JAKMIP1: variants seen among roughly 807,000 people sequenced by gnomAD.
JAKMIP1 encodes janus kinase and microtubule interacting protein 1.
In JAKMIP1, 33 loss-of-function variants were observed where a neutral mutation model predicts 113.0. The ratio of observed to expected loss-of-function variants is 0.29; its 90% CI spans 0.22 to 0.39. The LOEUF is 0.39. Among genes scored for constraint, JAKMIP1 ranks in the 10% least tolerant of loss-of-function variants. JAKMIP1 has a pLI of 1.00. For missense variants in JAKMIP1, 813 were observed against 1,080.5 expected (o/e 0.75, Z 3.47); for synonymous variants, 480 against 459.9 (o/e 1.04, Z -0.56).
chr4:6,130,670 C>T (rs1718367193), intron 1 of JAKMIP1, among the ~76,000 whole-genome samples: 1 of 151,882 alleles, frequency 6.6e-6, no homozygotes, highest in Non-Finnish European at 1.5e-5. Flanking sequence ...GCAATGTAAG[C>T]AGAGATGAAA....
rs117679377 is a variant in JAKMIP1, at chr4:6,135,401, T to C, written c.-147-22404A>G. ...GAGAGGCTTCGGAAGAAACCAACCC[T>C]GGTGGCAGCTTGATCTCGGACTTCC... On this transcript the variant is annotated intron_variant, in intron 1 of 20. Coordinates refer to ENST00000409021, the MANE Select transcript of JAKMIP1 (RefSeq NM_001099433.2). This position sits in a 1 kb window ranked among gnomAD's most constrained non-coding sequence, Gnocchi z 4.9. Among the ~76,000 whole-genome samples the C allele has an allele frequency of 6.6e-6, 1 of 152,134 alleles. No individual in the cohort carries two copies. Among genetic ancestry groups the C allele is most frequent in the Admixed American group, 6.5e-5 (1 of 15,286 alleles).
intron 1 of JAKMIP1, among the ~76,000 whole-genome samples, chr4:6,118,141 C>T (rs1352603746): frequency 1.3e-5 from 2 of 152,206 alleles, no homozygotes; most frequent in African/African-American, 4.8e-5. Flanking sequence ...TGTTTAGAGA[C>T]TGCAGTAAAG....
At chr4:6,195,399 T>C (rs1727735603) in intron 1 of JAKMIP1, among the ~76,000 whole-genome samples, 1 of 152,164 alleles carries the variant, frequency 6.6e-6, no homozygotes, top group Non-Finnish European at 1.5e-5. Flanking sequence ...GTTAATATAT[T>C]AACCATGATT....
chr4:6,049,031 AT>A lies in JAKMIP1; in HGVS notation c.1963-110del, dbSNP rs1201464614. The A allele has an allele frequency of 1.2e-6, 1 of 833,260 alleles. No homozygotes were observed. The highest frequency in any genetic ancestry group is 2.5e-5 in the East Asian group (1 of 39,302). The allele number at this position is 833,260 out of a possible 1,614,324, so 51.6% of individuals were successfully genotyped here. A position where few individuals can be genotyped will look rare whatever the true frequency, so the allele number is the denominator to read the frequency against. ...TTTCGTTGTTGTTGTTTGTTTTATTATGTTTGTTTGTTTTGAGACGGAGTCT... is the reference window on the plus strand; with the variant it reads ...TTTCGTTGTTGTTGTTTGTTTTATTAGTTTGTTTGTTTTGAGACGGAGTCT... On this transcript the variant is annotated intron_variant, in intron 15 of 20. Transcript: ENST00000409021. The surrounding 1 kb of genome is among the most constrained non-coding windows in gnomAD (Gnocchi z 7.0).
chr4:6,035,766 G>C, intron 19 of JAKMIP1, 138 bp downstream of exon 19: 2 of 723,336 alleles, frequency 2.8e-6, no homozygotes, highest in South Asian at 1.9e-5. Context: ...ATGAAATCTT[G>C]CTTCTTGGAA....
At chr4:6,032,811 C>A (rs987005892) in intron 19 of JAKMIP1, among the ~76,000 whole-genome samples, 1 of 152,292 alleles carries the variant, frequency 6.6e-6, no homozygotes, top group South Asian at 2.1e-4. Flanking sequence ...GACTAAGCAA[C>A]CCAGACTTTG....
chr4:6,105,893 G>A lies in JAKMIP1; in HGVS notation c.204C>T (p.Tyr68=), dbSNP rs1301922498. 1 of 1,611,848 alleles carries A rather than the reference G, an allele frequency of 6.2e-7. No homozygotes were observed. Among genetic ancestry groups the A allele is most frequent in the Non-Finnish European group, 8.5e-7 (1 of 1,179,796 alleles). The change falls in exon 3 of 21, where the codon TAC becomes TAT. Residue 68 remains tyrosine, a synonymous_variant. Transcript: ENST00000409021. ...REQEQRRHTA[Y]ISELKAKLHE... is the part of the protein sequence containing the mutation. ...GCAGCTTGGCCTTGAGCTCCGAAAT[G>A]TAGGCCGTGTGCCGTCGCTGCTCCT...
chr4:6,042,023 A>G lies in JAKMIP1; in HGVS notation c.2097+136T>C. ...AGTAAATGGGTGACAATTACTTAGA[A>G]CAACCACTGGGGCAAAAGCAAAATT... On this transcript the variant is annotated intron_variant, in intron 17 of 20. Coordinates refer to ENST00000409021, the MANE Select transcript of JAKMIP1 (RefSeq NM_001099433.2). This position sits in a 1 kb window ranked among gnomAD's most constrained non-coding sequence, Gnocchi z 5.2. 1.5e-6 allele frequency: 1 copy of G among 673,712 alleles called. No homozygotes were observed. Among genetic ancestry groups the G allele is most frequent in the Non-Finnish European group, 2.6e-6 (1 of 381,004 alleles). 41.7% of individuals were successfully genotyped at this position (673,712 alleles called of 1,614,324 possible).
intron 1 of JAKMIP1, among the ~76,000 whole-genome samples, chr4:6,198,343 A>G (rs7377975): frequency 0.76 from 114,588 of 151,444 alleles, 43,508 homozygotes; most frequent in Non-Finnish European, 0.79. Context: ...ATGTGGGGGA[A>G]AAACCCAAGT....
At position 6,143,278 on chromosome 4, in the gene JAKMIP1, T is replaced by C. The variant is rs1434592780; in HGVS notation, c.-147-30281A>G. Reference sequence around the variant, plus strand: ...TTTCCTTTGGATACATTCTAAAAGCTTTATGAACAGACTTGGGGGCTTCCT... The same window carrying C: ...TTTCCTTTGGATACATTCTAAAAGCCTTATGAACAGACTTGGGGGCTTCCT... On this transcript the variant is annotated intron_variant, in intron 1 of 20. Coordinates refer to ENST00000409021, the MANE Select transcript of JAKMIP1 (RefSeq NM_001099433.2). The surrounding 1 kb of genome is among the most constrained non-coding windows in gnomAD (Gnocchi z 4.9). Among the ~76,000 whole-genome samples, 1 of 152,232 alleles carries C rather than the reference T, an allele frequency of 6.6e-6. No individual in the cohort carries two copies. Among genetic ancestry groups the C allele is most frequent in the Non-Finnish European group, 1.5e-5 (1 of 68,040 alleles).
In JAKMIP1 at chr4:6,031,609, G is replaced by A. The variant is rs985927389; in HGVS notation, c.2380-1828C>T. Among the ~76,000 whole-genome samples the A allele has an allele frequency of 6.6e-6, 1 of 152,170 alleles. No individual in the cohort carries two copies. The highest frequency in any genetic ancestry group is 2.4e-5 in the African/African-American group (1 of 41,452). On this transcript the variant is annotated intron_variant, in intron 19 of 20. Coordinates refer to ENST00000409021, the MANE Select transcript of JAKMIP1 (RefSeq NM_001099433.2). The surrounding 1 kb of genome is among the most constrained non-coding windows in gnomAD (Gnocchi z 4.4). ...GGACAGAGCTCAGAGGGTCTGGAAT[G>A]GCCCATGTCCCGATGAGGTGCTCAC...
intron 3 of JAKMIP1, among the ~76,000 whole-genome samples, chr4:6,091,507 T>C (rs1027288765): frequency 2.6e-5 from 4 of 152,198 alleles, no homozygotes; most frequent in African/African-American, 9.7e-5. Flanking sequence ...GATATGGGAA[T>C]ACCCCCATTT....
In JAKMIP1 at chr4:6,089,492, G is replaced by A. The variant is rs1437821252; in HGVS notation, c.625-3863C>T. On this transcript the variant is annotated intron_variant, in intron 3 of 20. Transcript: ENST00000409021. The surrounding 1 kb of genome is among the most constrained non-coding windows in gnomAD (Gnocchi z 5.3). ...TCAAAGTGGACATCATTTACCCCAA[G>A]TTACACACAAACTTGAGGCCCAGAA... 6.6e-6 allele frequency among the ~76,000 whole-genome samples: 1 copy of A among 152,148 alleles called. No homozygotes were observed. The highest frequency in any genetic ancestry group is 2.4e-5 in the African/African-American group (1 of 41,438).
In JAKMIP1 at chr4:6,154,516, C is replaced by T. The variant is rs1455151798; in HGVS notation, c.-147-41519G>A. On this transcript the variant is annotated intron_variant, in intron 1 of 20. Transcript: ENST00000409021. This position sits in a 1 kb window ranked among gnomAD's most constrained non-coding sequence, Gnocchi z 4.2. ...ATAGTCCTTTAAAAAAAAAAAAAAG[C>T]AGGGGGGATATAAAAGGAAGAGGAT... Among the ~76,000 whole-genome samples the T allele has an allele frequency of 6.7e-6, 1 of 149,276 alleles. No individual in the cohort carries two copies. Among genetic ancestry groups the T allele is most frequent in the Non-Finnish European group, 1.5e-5 (1 of 67,178 alleles).
intron 1 of JAKMIP1, among the ~76,000 whole-genome samples, chr4:6,145,492 TA>T (rs10715044): frequency 0.97 from 146,695 of 151,252 alleles, 71,274 homozygotes; most frequent in East Asian, 1. Context: ...TATCCATACC[TA>T]AAAAAAAAAA....
chr4:6,144,081 C>T (rs1720517810), intron 1 of JAKMIP1, among the ~76,000 whole-genome samples: 1 of 152,168 alleles, frequency 6.6e-6, no homozygotes, highest in African/African-American at 2.4e-5. Flanking sequence ...CTGCTTTGGA[C>T]AAACCATAGG....
chr4:6,098,507 A>AAAGG (rs979054885), intron 3 of JAKMIP1, among the ~76,000 whole-genome samples: 7 of 143,614 alleles, frequency 4.9e-5, no homozygotes, highest in African/African-American at 5.2e-5. Flanking sequence ...AAAAGAAAGG[A>AAAGG]AAGGAAGGAA....
At chr4:6,099,675 C>T (rs1712677948) in intron 3 of JAKMIP1, among the ~76,000 whole-genome samples, 1 of 152,194 alleles carries the variant, frequency 6.6e-6, no homozygotes, top group African/African-American at 2.4e-5. Flanking sequence ...TTCTTTATTC[C>T]CTTCCAAGAG....
intron 13 of JAKMIP1, 132 bp downstream of exon 13, chr4:6,053,906 AAAAGAAAGAAAG>A: frequency 2.0e-6 from 3 of 1,532,172 alleles, no homozygotes; most frequent in Non-Finnish European, 2.6e-6. Context: ...TTTAAAAAAA[AAAAGAAAGAAAG>A]AAAGAAAGAA....
Sources: gnomAD v4.1 joint callset for allele counts (sites outside exome capture counted in the v4.1 genomes callset) on GRCh38, gnomAD v4.1.1 for gene constraint, Gnocchi (gnomAD v3.1) non-coding constraint, MANE v1.5 for transcripts, NCBI Gene and HGNC (gene_info 2026-07-23, HGNC 2026-07-21) for gene names.